USP36: variants seen among roughly 807,000 people sequenced by gnomAD.
USP36 encodes the protein ubiquitin specific peptidase 36.
A neutral mutation model predicts 111.5 loss-of-function variants in USP36; 59 were observed. That is an observed-to-expected ratio of 0.53 (90% CI 0.43 to 0.66). USP36 has a LOEUF of 0.66. USP36 is among the 30% of genes least tolerant of loss of function. USP36 has a pLI of 0.00. For missense variants in USP36, 1,488 were observed against 1,468.0 expected (o/e 1.01, Z -0.22); for synonymous variants, 628 against 581.0 (o/e 1.08, Z -1.16).
chr17:78,801,126 G>A (rs1423953803), intron 17 of USP36, among the ~76,000 whole-genome samples: 6 of 151,982 alleles, frequency 3.9e-5, no homozygotes, highest in Admixed American at 1.3e-4. Flanking sequence ...AGAGGCGCCC[G>A]CCACCATGCC....
intron 13 of USP36, 139 bp from the exon 14 acceptor site, chr17:78,807,775 T>C: frequency 2.2e-6 from 2 of 906,542 alleles, no homozygotes; most frequent in Non-Finnish European, 3.1e-6. Context: ...TTATCTGGAC[T>C]CTTGGTAAAG....
chr17:78,830,715 T>C (rs1170897528), intron 4 of USP36, among the ~76,000 whole-genome samples: 1 of 152,160 alleles, frequency 6.6e-6, no homozygotes, highest in East Asian at 1.9e-4. Context: ...GCATGCAGCC[T>C]GCTTAGCAAA....
chr17:78,789,616 T>C (rs1229671749), intron 3 of USP36, among the ~76,000 whole-genome samples: 2 of 152,182 alleles, frequency 1.3e-5, no homozygotes, highest in African/African-American at 4.8e-5. Flanking sequence ...ACCCCCAGAT[T>C]TTATTTTGCT....
rs1209383618 is a variant in USP36, at chr17:78,807,405, G to C, written c.1639C>G (p.Pro547Ala). Residue 547 changes from proline (P) to alanine (A), a missense_variant, in exon 14 of 21, where the codon CCC becomes GCC. Physicochemically the swap from Pro to Ala is conservative, Grantham distance 27. This residue lies in a region of USP36 where 1,073 missense variants were observed against 994.1 expected (regional missense o/e 1.08). Coordinates refer to ENST00000449938, the MANE Select transcript of USP36 (RefSeq NM_001385174.1). ...KKPAPPQHFS[P>A]RTAQGLPGTS... ...CCAGGCAGCCCCTGAGCAGTTCTGGGGGAAAAGTGCTGTGGAGGAGCTGGC... is the reference window on the plus strand; with the variant it reads ...CCAGGCAGCCCCTGAGCAGTTCTGGCGGAAAAGTGCTGTGGAGGAGCTGGC... 1.9e-6 allele frequency: 3 copies of C among 1,614,194 alleles called. No individual in the cohort carries two copies. The highest frequency in any genetic ancestry group is 2.5e-6 in the Non-Finnish European group (3 of 1,180,024).
chr17:78,798,508 A>C lies in USP36; in HGVS notation c.3284T>G (p.Phe1095Cys). The change falls in exon 20 of 21, where the codon TTC becomes TGC. Residue 1095 changes from phenylalanine to cysteine, a missense_variant. Phe to Cys is a radical substitution (Grantham distance 205). Around this residue, in one of 3 missense-constraint regions of USP36, gnomAD observed 1,073 missense variants for 994.1 expected, o/e 1.08. Coordinates refer to ENST00000449938, the MANE Select transcript of USP36 (RefSeq NM_001385174.1). This position sits in a 1 kb window ranked among gnomAD's most constrained non-coding sequence, Gnocchi z 5.1. ...KKFKREKRRN[F>C]NAFQKLQTRR... ...AGTCTGAAGTTTCTGGAAGGCGTTGAAGTTTCTCCTCTTCTCTCTCTTAAA... is the reference window on the plus strand; with the variant it reads ...AGTCTGAAGTTTCTGGAAGGCGTTGCAGTTTCTCCTCTTCTCTCTCTTAAA... 6.2e-7 allele frequency: 1 copy of C among 1,614,082 alleles called. No individual in the cohort carries two copies. The highest frequency in any genetic ancestry group is 8.5e-7 in the Non-Finnish European group (1 of 1,180,018).
chr17:78,822,800 G>C (rs1426290526), intron 6 of USP36, among the ~76,000 whole-genome samples: 2 of 152,154 alleles, frequency 1.3e-5, no homozygotes, highest in Admixed American at 1.3e-4. Context: ...CACTGCTCTG[G>C]AACTGCCTTC....
Position 78,807,343 on chromosome 17 carries a change from T to G in USP36, c.1701A>C (p.Gln567His), listed in dbSNP as rs1485669490. Reference protein sequence around the residue: ...SNSNSSRSGSQRQGSWDSRDV... With the variant: ...SNSNSSRSGSHRQGSWDSRDV... ...CCCTGCTGTCCCAGGAGCCCTGCCTTTGGCTCCCAGATCTGCTGCTATTCG... is the reference window on the plus strand; with the variant it reads ...CCCTGCTGTCCCAGGAGCCCTGCCTGTGGCTCCCAGATCTGCTGCTATTCG... Residue 567 changes from glutamine to histidine, a missense_variant, in exon 14 of 21, where the codon CAA becomes CAC. Gln to His is a conservative substitution (Grantham distance 24). Coordinates refer to ENST00000449938, the MANE Select transcript of USP36 (RefSeq NM_001385174.1). The G allele has an allele frequency of 6.2e-7, 1 of 1,614,196 alleles. No homozygotes were observed. The highest frequency in any genetic ancestry group is 8.5e-7 in the Non-Finnish European group (1 of 1,180,010).
intron 6 of USP36, chr17:78,826,373 C>T (rs1400614068): frequency 6.6e-6 from 1 of 152,172 alleles, no homozygotes; most frequent in African/African-American, 2.4e-5. Context: ...ACTAATAATA[C>T]AAAAATTAGC....
At chr17:78,788,704 C>T (rs2093556358) in intron 3 of USP36, among the ~76,000 whole-genome samples, 1 of 152,040 alleles carries the variant, frequency 6.6e-6, no homozygotes. Context: ...GGACTCGGGT[C>T]CATGGGGTAG....
chr17:78,835,410 C>T lies in USP36; in HGVS notation c.345G>A (p.Glu115=), dbSNP rs374646650. Residue 115 remains glutamate, a synonymous_variant, in exon 4 of 21, where the codon GAG becomes GAA. Transcript: ENST00000449938. ...FPTERLSLRW[E]RVFRVGAGLH... is the part of the protein sequence containing the mutation. ...GTCCTGCGCCCACGCGGAAGACCCG[C>T]TCCCACCTCAGAGACAGTCGCTCCG... is the stretch of plus-strand genomic sequence containing the variant. 6.2e-7 allele frequency: 1 copy of T among 1,614,274 alleles called. No homozygotes were observed. Among genetic ancestry groups the T allele is most frequent in the Non-Finnish European group, 8.5e-7 (1 of 1,180,056 alleles).
chr17:78,792,503 G>A (rs955622382), downstream of USP36, among the ~76,000 whole-genome samples: 19 of 152,172 alleles, frequency 1.2e-4, no homozygotes, highest in Non-Finnish European at 2.4e-4. Context: ...GATCAGAACA[G>A]TGGGTCTGCC....
At chr17:78,812,788 T>C (rs1367306051) in intron 13 of USP36, 72 bp downstream of exon 13, 4 of 1,553,098 alleles carry the variant, frequency 2.6e-6, no homozygotes, top group Non-Finnish European at 3.5e-6. Context: ...TGTGGCCAAC[T>C]TCCCAAGTGT....
At chr17:78,828,351 T>A (rs754671396) in intron 5 of USP36, among the ~76,000 whole-genome samples, 1 of 152,208 alleles carries the variant, frequency 6.6e-6, no homozygotes, top group Non-Finnish European at 1.5e-5. Flanking sequence ...GCCAAGTGAA[T>A]GTGAATGAGA....
At chr17:78,835,097 C>G (rs779514952) in intron 4 of USP36, among the ~76,000 whole-genome samples, 183 bp downstream of exon 4, 2 of 151,674 alleles carry the variant, frequency 1.3e-5, no homozygotes, top group Non-Finnish European at 2.9e-5. Context: ...CCCACCTGAC[C>G]GATTCACCTT....
chr17:78,816,608 A>C (rs1486750997), intron 10 of USP36, among the ~76,000 whole-genome samples: 1 of 151,822 alleles, frequency 6.6e-6, no homozygotes, highest in Non-Finnish European at 1.5e-5. Context: ...CCTGGGTGAC[A>C]GAGTAAGACT....
chr17:78,806,873 A>G, intron 14 of USP36, 86 bp downstream of exon 14: 1 of 1,525,980 alleles, frequency 6.6e-7, no homozygotes, highest in Non-Finnish European at 8.9e-7. Flanking sequence ...GCCCCCGGAC[A>G]ATGTTCTCAC....
chr17:78,826,742 G>C (rs2067576724), intron 6 of USP36: 3 of 242,836 alleles, frequency 1.2e-5, no homozygotes, highest in Admixed American at 9.9e-5. Flanking sequence ...GTGTGAATAA[G>C]AAACAGCAGC....
chr17:78,835,363 C>G lies in USP36; in HGVS notation c.392G>C (p.Cys131Ser). 1 of 1,614,252 alleles carries G rather than the reference C, an allele frequency of 6.2e-7. No individual in the cohort carries two copies. Reference protein sequence around the residue: ...GAGLHNLGNTCFLNATIQCLT... With the variant: ...GAGLHNLGNTSFLNATIQCLT... ...GCACTGGATGGTGGCATTGAGAAAGCAGGTGTTGCCAAGGTTGTGGAGTCC... is the reference window on the plus strand; with the variant it reads ...GCACTGGATGGTGGCATTGAGAAAGGAGGTGTTGCCAAGGTTGTGGAGTCC... Residue 131 changes from cysteine (C) to serine (S), a missense_variant, in exon 4 of 21, where the codon TGC (cysteine) becomes TCC (serine). By Grantham distance (112) the Cys-to-Ser change is moderately radical. Around this residue, in one of 3 missense-constraint regions of USP36, gnomAD observed 219 missense variants for 209.5 expected, o/e 1.05. Transcript: ENST00000449938.
At chr17:78,802,276 C>A (rs762926146) in intron 17 of USP36, 48 bp downstream of exon 17, 2 of 1,500,232 alleles carry the variant, frequency 1.3e-6, no homozygotes, top group Non-Finnish European at 1.8e-6. Context: ...CCCAACCCCT[C>A]GCCCGGTGCA....
Sources: gnomAD v4.1 joint callset for allele counts (sites outside exome capture counted in the v4.1 genomes callset) on GRCh38, gnomAD v4.1.1 for gene constraint, gnomAD v4.1.1 regional missense constraint, Gnocchi (gnomAD v3.1) non-coding constraint, MANE v1.5 for transcripts, NCBI Gene and HGNC (gene_info 2026-07-23, HGNC 2026-07-21) for gene names.